Variants in ATP8A1 observed in about 807,000 individuals in gnomAD.
ATP8A1 encodes the protein phospholipid-transporting ATPase IA.
Under a neutral mutation model 177.7 loss-of-function variants are expected in ATP8A1, and 90 were observed. The observed-to-expected ratio is 0.51, with a 90% CI of 0.43 to 0.60. The LOEUF (loss-of-function observed/expected upper bound fraction) is 0.60, where lower values mean the gene tolerates loss of function less well. Among genes scored for constraint, ATP8A1 ranks in the 20% least tolerant of loss-of-function variants. The probability of loss-of-function intolerance (pLI) is 0.00; values close to 1 mark genes in which losing one functional copy is unlikely to be tolerated. For synonymous variants in ATP8A1, 493 were observed against 485.9 expected, an observed-to-expected ratio of 1.01 and a Z score of -0.19; for missense variants, 1,072 against 1,392.8, an observed-to-expected ratio of 0.77 and a Z score of 3.67.
intron 25 of ATP8A1, among the ~76,000 whole-genome samples, chr4:42,479,415 T>C (rs890319024): frequency 4.6e-5 from 7 of 152,244 alleles, no homozygotes; most frequent in Admixed American, 3.9e-4. Context: ...GAAACCATCA[T>C]GGGTTCAGGG....
intron 22 of ATP8A1, among the ~76,000 whole-genome samples, chr4:42,515,294 A>T (rs1036878833): frequency 6.6e-6 from 1 of 152,244 alleles, no homozygotes; most frequent in South Asian, 2.1e-4. Context: ...AGCACAAATG[A>T]AAGTGATATG....
intron 3 of ATP8A1, 47 bp downstream of exon 3, chr4:42,625,567 T>C (rs998593290): frequency 7.5e-7 from 1 of 1,339,540 alleles, no homozygotes; most frequent in Non-Finnish European, 1.0e-6. Flanking sequence ...GGGCTTAACA[T>C]TTATTAGTAC....
At chr4:42,575,341 T>C (rs2109328767) in intron 13 of ATP8A1, among the ~76,000 whole-genome samples, 1 of 152,352 alleles carries the variant, frequency 6.6e-6, no homozygotes, top group African/African-American at 2.4e-5. Flanking sequence ...CGTTTATAAC[T>C]TGAAAATAGC....
In ATP8A1 at chr4:42,409,686, A is replaced by T. The variant is rs1391773009; in HGVS notation, c.*3230T>A. On this transcript the variant is annotated 3_prime_UTR_variant, in exon 37 of 37. Coordinates refer to ENST00000381668, the MANE Select transcript of ATP8A1 (RefSeq NM_006095.2). ...ATTATGACATTGTCATAATTTTAAA[A>T]CTATGAATAATACAATCTATTACTT... 1 of 152,172 alleles carries T rather than the reference A, an allele frequency of 6.6e-6. No homozygotes were observed. Among genetic ancestry groups the T allele is most frequent in the Non-Finnish European group, 1.5e-5 (1 of 67,980 alleles). 9.4% of individuals were successfully genotyped at this position (152,172 alleles called of 1,614,324 possible).
intron 16 of ATP8A1, among the ~76,000 whole-genome samples, chr4:42,555,114 T>TA (rs1470397906): frequency 1.0e-5 from 1 of 95,732 alleles, no homozygotes; most frequent in African/African-American, 4.7e-5. Flanking sequence ...TCTATCTATC[T>TA]ATCTATCTAT....
chr4:42,519,233 G>A (rs937597662), intron 22 of ATP8A1, among the ~76,000 whole-genome samples: 2 of 151,946 alleles, frequency 1.3e-5, no homozygotes, highest in African/African-American at 4.8e-5. Context: ...GGGACCACAG[G>A]TGCATGCTAC....
intron 20 of ATP8A1, among the ~76,000 whole-genome samples, chr4:42,539,319 T>C (rs1251695507): frequency 1.3e-5 from 2 of 151,976 alleles, no homozygotes; most frequent in Admixed American, 6.6e-5. Flanking sequence ...CGTACACTGC[T>C]TGGGTGATGG....
intron 33 of ATP8A1, among the ~76,000 whole-genome samples, chr4:42,439,649 A>G (rs895576730): frequency 6.6e-6 from 1 of 152,214 alleles, no homozygotes; most frequent in African/African-American, 2.4e-5. Flanking sequence ...GATGTGGAAG[A>G]AGGACTGAGG....
chr4:42,417,079 G>A (rs1713324939), intron 35 of ATP8A1, among the ~76,000 whole-genome samples: 1 of 152,058 alleles, frequency 6.6e-6, no homozygotes, highest in Non-Finnish European at 1.5e-5. Context: ...GTCCTGTAGA[G>A]CAGAGTCCCT....
At chr4:42,568,604 T>A (rs1429898704) in intron 15 of ATP8A1, among the ~76,000 whole-genome samples, 4 of 152,202 alleles carry the variant, frequency 2.6e-5, no homozygotes, top group Admixed American at 2.6e-4. Context: ...ACTTTAATGA[T>A]GCCAAAATTA....
Position 42,433,162 on chromosome 4 carries a change from G to C in ATP8A1, c.3124-9457C>G, listed in dbSNP as rs540971999. Among the ~76,000 whole-genome samples, 3 of 152,270 alleles carry C rather than the reference G, an allele frequency of 2.0e-5. No individual in the cohort carries two copies. In the East Asian group the frequency reaches 5.8e-4, roughly 29 times the overall value. On this transcript the variant is annotated intron_variant, in intron 33 of 36. Transcript: ENST00000381668. ...TTTCTGCCTTGGTAACACCACACTT[G>C]CTCCTTGCTTGGGCTGTTCTGTACC...
chr4:42,650,233 C>T (rs1740947432), intron 1 of ATP8A1, among the ~76,000 whole-genome samples: 1 of 152,224 alleles, frequency 6.6e-6, no homozygotes, highest in Non-Finnish European at 1.5e-5. Context: ...AGATCTAATA[C>T]ACTTATATCT....
At chr4:42,432,902 G>C (rs1048957989) in intron 33 of ATP8A1, among the ~76,000 whole-genome samples, 1 of 151,974 alleles carries the variant, frequency 6.6e-6, no homozygotes, top group South Asian at 2.1e-4. Flanking sequence ...CAATTATATG[G>C]TATATATATT....
At chr4:42,452,417 G>C (rs149452716) in intron 29 of ATP8A1, among the ~76,000 whole-genome samples, 2 of 152,136 alleles carry the variant, frequency 1.3e-5, no homozygotes, top group Admixed American at 1.3e-4. Context: ...ACTTTTAAAA[G>C]ATTATAATTT....
intron 20 of ATP8A1, among the ~76,000 whole-genome samples, chr4:42,542,781 G>C (rs1349287070): frequency 6.6e-6 from 1 of 152,046 alleles, no homozygotes; most frequent in Admixed American, 6.6e-5. Flanking sequence ...CTTTTTTATG[G>C]TTGCATAGTA....
chr4:42,550,343 C>A (rs1486823266), intron 18 of ATP8A1, among the ~76,000 whole-genome samples: 1 of 151,944 alleles, frequency 6.6e-6, no homozygotes, highest in Admixed American at 6.6e-5. Flanking sequence ...TTTATCCATT[C>A]TTCTATTGAT....
At chr4:42,612,976 A>C (rs1736522575) in intron 5 of ATP8A1, among the ~76,000 whole-genome samples, 1 of 152,188 alleles carries the variant, frequency 6.6e-6, no homozygotes, top group Non-Finnish European at 1.5e-5. Flanking sequence ...CACTGACAAA[A>C]TGAAAATGAG....
At position 42,543,894 on chromosome 4, in the gene ATP8A1, AAAAAAT is replaced by A. The variant is rs745463383; in HGVS notation, c.1722+17_1722+22del. On this transcript the variant is annotated intron_variant, in intron 20 of 36. Coordinates refer to ENST00000381668, the MANE Select transcript of ATP8A1 (RefSeq NM_006095.2). ...ATAAACCATCATAAATTATAACTGT[AAAAAAT>A]AAAAATAAAAACTTACAGCTCCTTT... 5.1e-6 allele frequency: 8 copies of A among 1,556,424 alleles called. No individual in the cohort carries two copies. In the East Asian group the frequency reaches 9.2e-5, roughly 18 times the overall value.
chr4:42,496,980 G>C (rs1723342014), intron 24 of ATP8A1, among the ~76,000 whole-genome samples: 1 of 152,122 alleles, frequency 6.6e-6, no homozygotes, highest in Non-Finnish European at 1.5e-5. Flanking sequence ...CTGTGGTCCT[G>C]GTGGTGAGTG....
Sources: allele counts gnomAD v4.1 joint callset (sites outside exome capture counted in the v4.1 genomes callset), GRCh38; gene constraint gnomAD v4.1.1; transcripts MANE v1.5; gene names NCBI Gene and HGNC (gene_info 2026-07-23, HGNC 2026-07-21).